The following POLR3C variants were observed in gnomAD, a reference collection of about 807,000 sequenced individuals.
POLR3C encodes the protein RNA polymerase III subunit C, also known as DNA-directed RNA polymerase III subunit RPC3.
Under a neutral mutation model 65.9 loss-of-function variants are expected in POLR3C, and 44 were observed. That is an observed-to-expected ratio of 0.67 (90% CI 0.52 to 0.86). The LOEUF is 0.86. Among genes scored for constraint, POLR3C ranks in the 40% least tolerant of loss-of-function variants. The probability of loss-of-function intolerance (pLI) is 0.00; values close to 1 mark genes in which losing one functional copy is unlikely to be tolerated. For missense variants in POLR3C, 576 were observed against 653.2 expected (o/e 0.88, Z 1.29); for synonymous variants, 263 against 231.6 (o/e 1.14, Z -1.23).
intron 1 of POLR3C, among the ~76,000 whole-genome samples, chr1:145,825,212 G>A (rs1650621576): frequency 6.6e-6 from 1 of 151,938 alleles, no homozygotes; most frequent in Admixed American, 6.6e-5. Flanking sequence ...GGCTTCAAGC[G>A]ATTCTCCTGT....
At chr1:145,837,982 A>G (rs1651987030) in intron 10 of POLR3C, 74 bp from the exon 11 acceptor site, 1 of 1,366,510 alleles carries the variant, frequency 7.3e-7, no homozygotes, top group Non-Finnish European at 1.0e-6. Flanking sequence ...GAATAGAACA[A>G]CCACCCCATC....
At position 145,838,170 on chromosome 1, in the gene POLR3C, A is replaced by C. The variant is rs782297258; in HGVS notation, c.1185A>C (p.Leu395=). The C allele has an allele frequency of 9.3e-6, 15 of 1,613,756 alleles. No homozygotes were observed. The change falls in exon 11 of 15, where the codon CTA becomes CTC. Residue 395 remains leucine (L), a synonymous_variant. Coordinates refer to ENST00000334163, the MANE Select transcript of POLR3C (RefSeq NM_006468.8). ...MIPAKEAKDM[L]YKMLSENFMS... ...CTGCAAAGGAGGCAAAGGATATGCTATATAAGATGCTCTCAGAAAATTTCA... is the reference window on the plus strand; with the variant it reads ...CTGCAAAGGAGGCAAAGGATATGCTCTATAAGATGCTCTCAGAAAATTTCA...
At position 145,833,372 on chromosome 1, in the gene POLR3C, C is replaced by A; in HGVS notation, c.783+8C>A. The stretch of plus-strand genomic sequence containing the variant: ...GCTAACAGGATGGACCAGGTAATAC[C>A]TAAGTGGGTCTGTCATTGGTCATCA... On this transcript the variant is annotated splice_region_variant and intron_variant, in intron 6 of 14. Transcript: ENST00000334163. 1 of 1,583,184 alleles carries A rather than the reference C, an allele frequency of 6.3e-7. No homozygotes were observed. The highest frequency in any genetic ancestry group is 8.7e-7 in the Non-Finnish European group (1 of 1,152,060).
intron 4 of POLR3C, among the ~76,000 whole-genome samples, chr1:145,827,909 CAG>C (rs1171587503): frequency 6.6e-6 from 1 of 151,422 alleles, no homozygotes; most frequent in Admixed American, 6.6e-5. Flanking sequence ...GCCTGGGTGA[CAG>C]AGTGAGACTC....
In POLR3C at chr1:145,843,001, T is replaced by C. The variant is rs1024133832; in HGVS notation, c.*581T>C. On this transcript the variant is annotated 3_prime_UTR_variant, in exon 15 of 15. Coordinates refer to ENST00000334163, the MANE Select transcript of POLR3C (RefSeq NM_006468.8). ...GCTATTTTTTATTTATTTATTTATTTTTTTGTAGAGACAGGGCCTCCCTGT... is the reference window on the plus strand; with the variant it reads ...GCTATTTTTTATTTATTTATTTATTCTTTTGTAGAGACAGGGCCTCCCTGT... Among the ~76,000 whole-genome samples the C allele has an allele frequency of 2.6e-5, 4 of 152,138 alleles. No individual in the cohort carries two copies. The highest frequency in any genetic ancestry group is 5.9e-5 in the Non-Finnish European group (4 of 68,030).
rs139666181 is a variant in POLR3C, at chr1:145,836,855, T to C, written c.998T>C (p.Met333Thr). 1.7e-5 allele frequency: 27 copies of C among 1,581,242 alleles called. No homozygotes were observed. In the African/African-American group the frequency reaches 3.4e-4, roughly 20 times the overall value. The change falls in exon 9 of 15, where the codon ATG becomes ACG. Residue 333 changes from methionine (M) to threonine (T), a missense_variant. Physicochemically the swap from Met to Thr is moderately conservative, Grantham distance 81. Transcript: ENST00000334163. ...AAGTCTGGCGACAGTGGTGGAGGAATGTATGTCATCAGTATCCTTACCAGT... is the reference window on the plus strand; with the variant it reads ...AAGTCTGGCGACAGTGGTGGAGGAACGTATGTCATCAGTATCCTTACCAGT... The part of the protein sequence containing the change: ...VGKSGDSGGG[M>T]YVINLHKALA...
chr1:145,837,153 C>A (rs1347457588), intron 9 of POLR3C, among the ~76,000 whole-genome samples: 3 of 152,010 alleles, frequency 2.0e-5, no homozygotes, highest in Non-Finnish European at 4.4e-5. Flanking sequence ...ACCAAAAATA[C>A]AAAAACTAGC....
chr1:145,837,243 G>A (rs143751581), intron 9 of POLR3C, among the ~76,000 whole-genome samples: 384 of 152,260 alleles, frequency 2.5e-3, no homozygotes, highest in African/African-American at 8.4e-3. Flanking sequence ...GGAGACAGAC[G>A]TTGCAGTAAG....
At chr1:145,838,761 C>T (rs1430715646) in intron 11 of POLR3C, among the ~76,000 whole-genome samples, 3 of 152,020 alleles carry the variant, frequency 2.0e-5, no homozygotes, top group African/African-American at 4.8e-5. Flanking sequence ...GCCTTTTTTT[C>T]TCTTCTCATT....
intron 11 of POLR3C, chr1:145,839,447 A>G (rs1425804078): frequency 6.4e-6 from 1 of 155,306 alleles, no homozygotes; most frequent in African/African-American, 2.4e-5. Context: ...ATAAACCACA[A>G]AGACTGGGCC....
chr1:145,827,619 T>A (rs1234740660), intron 4 of POLR3C, among the ~76,000 whole-genome samples: 2 of 151,514 alleles, frequency 1.3e-5, no homozygotes, highest in Non-Finnish European at 2.9e-5. Flanking sequence ...ATTAGCTGGG[T>A]GTGGTGGCGG....
chr1:145,837,330 CA>C (rs1651934161), intron 9 of POLR3C, among the ~76,000 whole-genome samples: 1 of 152,098 alleles, frequency 6.6e-6, no homozygotes, highest in African/African-American at 2.4e-5. Flanking sequence ...TTTAATCAAC[CA>C]AATTTTAGTT....
chr1:145,843,002 T>A lies in POLR3C; in HGVS notation c.*582T>A, dbSNP rs587648953. 7.8e-4 allele frequency among the ~76,000 whole-genome samples: 118 copies of A among 152,226 alleles called. 1 individual carries two copies. The highest frequency in any genetic ancestry group is 4.2e-3 in the South Asian group (20 of 4,814). ...CTATTTTTTATTTATTTATTTATTT[T>A]TTTGTAGAGACAGGGCCTCCCTGTG... On this transcript the variant is annotated 3_prime_UTR_variant, in exon 15 of 15. Coordinates refer to ENST00000334163, the MANE Select transcript of POLR3C (RefSeq NM_006468.8).
At chr1:145,830,637 A>G (rs1651224965) in intron 5 of POLR3C, among the ~76,000 whole-genome samples, 1 of 151,822 alleles carries the variant, frequency 6.6e-6, no homozygotes, top group South Asian at 2.1e-4. Flanking sequence ...CGTCTCTACT[A>G]AAAATACAAA....
At chr1:145,826,431 T>G (rs1650750854) in intron 2 of POLR3C, 23 bp from the exon 3 acceptor site, 1 of 1,608,634 alleles carries the variant, frequency 6.2e-7, no homozygotes, top group South Asian at 1.1e-5. Context: ...TTCCTCTCTT[T>G]CTTCTCTTTA....
Position 145,826,478 on chromosome 1 carries a change from G to C in POLR3C, c.172G>C (p.Val58Leu). Residue 58 changes from valine (V) to leucine (L), a missense_variant, in exon 3 of 15, where the codon GTC becomes CTC. Val to Leu is a conservative substitution (Grantham distance 32). Transcript: ENST00000334163. ...GGTGAAGAAAGCCCTGTGTGTCCTC[G>C]TCCAACATAACCTGGTGAGTTATCA... is the stretch of plus-strand genomic sequence containing the variant. ...DQVKKALCVL[V>L]QHNLVSYQVH... 6.2e-7 allele frequency: 1 copy of C among 1,613,518 alleles called. No individual in the cohort carries two copies. The highest frequency in any genetic ancestry group is 1.1e-5 in the South Asian group (1 of 91,042).
At chr1:145,828,939 G>A (rs1199667159) in intron 5 of POLR3C, 102 bp downstream of exon 5, 1 of 699,128 alleles carries the variant, frequency 1.4e-6, no homozygotes, top group Non-Finnish European at 2.6e-6. Context: ...GAGCTAAGAA[G>A]CAGTAGGATT....
chr1:145,833,281 TA>T lies in POLR3C; in HGVS notation c.701del (p.Tyr234PhefsTer19). On this transcript the variant is annotated frameshift_variant, in exon 6 of 15. Transcript: ENST00000334163. LOFTEE classifies it high-confidence loss of function. ...TCAGCCCATTCCAGATGATGGGATT[TA>T]TTGGCAGGCCAACCTTGACAGATTC... ...NKEPIPDDGI[Y>X]WQANLDRFHQ... The T allele has an allele frequency of 6.2e-7, 1 of 1,611,972 alleles. No individual in the cohort carries two copies. Among genetic ancestry groups the T allele is most frequent in the Non-Finnish European group, 8.5e-7 (1 of 1,178,240 alleles).
Position 145,838,256 on chromosome 1 carries a change from G to A in POLR3C, c.1221+50G>A, listed in dbSNP as rs1553729395. ...TGCCAACCAGCAAAGCTGGCCTAGGGTGAGAGAAGCTTCTTAGGCAAACAT... is the reference window on the plus strand; with the variant it reads ...TGCCAACCAGCAAAGCTGGCCTAGGATGAGAGAAGCTTCTTAGGCAAACAT... On this transcript the variant is annotated intron_variant, in intron 11 of 14. Transcript: ENST00000334163. 24 of 1,512,802 alleles carry A rather than the reference G, an allele frequency of 1.6e-5. No individual in the cohort carries two copies. In the East Asian group the frequency reaches 5.4e-4, roughly 34 times the overall value. The allele number at this position is 1,512,802 out of a possible 1,614,324, so 93.7% of individuals were successfully genotyped here. A position where few individuals can be genotyped will look rare whatever the true frequency, so the allele number is the denominator to read the frequency against.
Sources: allele counts gnomAD v4.1 joint callset (sites outside exome capture counted in the v4.1 genomes callset), GRCh38; gene constraint gnomAD v4.1.1; transcripts MANE v1.5; gene names NCBI Gene and HGNC (gene_info 2026-07-23, HGNC 2026-07-21).